Variants in EFHD1 observed in about 807,000 individuals in gnomAD.
The protein encoded by EFHD1 is EF-hand domain-containing protein D1.
A neutral mutation model predicts 17.2 loss-of-function variants in EFHD1; 10 were observed. The ratio of observed to expected loss-of-function variants is 0.58; its 90% CI spans 0.36 to 0.99. EFHD1 has a LOEUF of 0.99. Ranked by LOEUF, EFHD1 falls within the 50% of genes least tolerant of loss-of-function variation. EFHD1 has a pLI of 0.01. For synonymous variants in EFHD1, 153 were observed against 142.0 expected (o/e 1.08, Z -0.55); for missense variants, 310 against 327.5 (o/e 0.95, Z 0.41).
At chr2:232,615,800 G>A (rs1356977603) in intron 1 of EFHD1, among the ~76,000 whole-genome samples, 1 of 146,294 alleles carries the variant, frequency 6.8e-6, no homozygotes, top group South Asian at 2.1e-4. Context: ...TGATTCTCCT[G>A]CCTCAGTCTC....
At chr2:232,621,841 C>G (rs961602843) in intron 1 of EFHD1, among the ~76,000 whole-genome samples, 1 of 152,184 alleles carries the variant, frequency 6.6e-6, no homozygotes, top group Non-Finnish European at 1.5e-5. Context: ...CTCTGAGTGA[C>G]ACAGCCAGGA....
intron 3 of EFHD1, among the ~76,000 whole-genome samples, chr2:232,679,197 C>T (rs1695230763): frequency 6.6e-6 from 1 of 152,028 alleles, no homozygotes; most frequent in Admixed American, 6.6e-5. Context: ...TTTAGAAGAC[C>T]TCCTTAAACA....
At chr2:232,610,161 G>A (rs976036122) in intron 1 of EFHD1, among the ~76,000 whole-genome samples, 2 of 152,252 alleles carry the variant, frequency 1.3e-5, no homozygotes, top group African/African-American at 4.8e-5. Context: ...AGGGTTGCCT[G>A]TGTCTGTCCC....
At chr2:232,653,239 C>G (rs538425138) in intron 1 of EFHD1, among the ~76,000 whole-genome samples, 2 of 152,078 alleles carry the variant, frequency 1.3e-5, no homozygotes, top group Admixed American at 6.6e-5. Context: ...GTGATCCACC[C>G]GCCTAGGCCT....
chr2:232,671,916 G>A (rs558487342), intron 2 of EFHD1, among the ~76,000 whole-genome samples: 4 of 151,528 alleles, frequency 2.6e-5, no homozygotes, highest in East Asian at 3.9e-4. Flanking sequence ...AATTAGCCGC[G>A]CATGGTGGCA....
chr2:232,611,451 C>G (rs1452466982), intron 1 of EFHD1: 1 of 152,176 alleles, frequency 6.6e-6, no homozygotes, highest in Non-Finnish European at 1.5e-5. Flanking sequence ...ATGAGACGTT[C>G]TATCATTGGA....
At chr2:232,650,175 G>A (rs2106203424) in intron 1 of EFHD1, 1 of 151,742 alleles carries the variant, frequency 6.6e-6, no homozygotes, top group East Asian at 1.9e-4. Flanking sequence ...AAGATGAAAG[G>A]AACTGAGAAA....
At chr2:232,654,206 CA>C (rs929121448) in intron 1 of EFHD1, among the ~76,000 whole-genome samples, 412 of 82,628 alleles carry the variant, frequency 5.0e-3, no homozygotes, top group African/African-American at 0.011. Flanking sequence ...GACTCCATCT[CA>C]AAAAAAAAAA....
intron 1 of EFHD1, chr2:232,610,668 A>C (rs1693800018): frequency 6.6e-6 from 1 of 152,158 alleles, no homozygotes; most frequent in Admixed American, 6.6e-5. Context: ...GCTTGTGCTC[A>C]GGAGTGCGAG....
chr2:232,666,977 C>A (rs943208777), intron 2 of EFHD1, among the ~76,000 whole-genome samples: 10 of 152,186 alleles, frequency 6.6e-5, no homozygotes, highest in Admixed American at 3.3e-4. Flanking sequence ...CTTAAAATAG[C>A]TGTGTGAATA....
intron 1 of EFHD1, among the ~76,000 whole-genome samples, chr2:232,640,945 T>C (rs1239970398): frequency 3.3e-5 from 5 of 151,912 alleles, no homozygotes; most frequent in African/African-American, 1.2e-4. Context: ...CAGTGGTGAG[T>C]GCTTGACCTT....
intron 1 of EFHD1, among the ~76,000 whole-genome samples, chr2:232,613,661 T>TACACACACACACAAATAC (rs141418547): frequency 4.7e-5 from 6 of 128,726 alleles, no homozygotes; most frequent in African/African-American, 1.9e-4. Context: ...CACACACAAA[T>TACACACACACACAAATAC]ACACACACAC....
At chr2:232,625,058 C>T (rs1313277764) in intron 1 of EFHD1, among the ~76,000 whole-genome samples, 1 of 152,154 alleles carries the variant, frequency 6.6e-6, no homozygotes, top group African/African-American at 2.4e-5. Context: ...TGTTGACTAT[C>T]TGTTTCCCCC....
At chr2:232,638,939 C>T (rs966460215) in intron 1 of EFHD1, among the ~76,000 whole-genome samples, 2 of 152,240 alleles carry the variant, frequency 1.3e-5, no homozygotes, top group African/African-American at 4.8e-5. Flanking sequence ...AGCTTTAGGT[C>T]AGCCTTCTGT....
At chr2:232,673,032 TA>T (rs1695107675) in intron 3 of EFHD1, among the ~76,000 whole-genome samples, 1 of 152,206 alleles carries the variant, frequency 6.6e-6, no homozygotes. Context: ...ATGTGTCCAA[TA>T]ATGAAAGTGG....
intron 3 of EFHD1, among the ~76,000 whole-genome samples, chr2:232,675,737 T>C (rs571532546): frequency 1.3e-5 from 2 of 152,112 alleles, no homozygotes; most frequent in East Asian, 3.9e-4. Flanking sequence ...GTGGGTCCAA[T>C]AAGGGTAGGG....
chr2:232,655,802 C>A, intron 1 of EFHD1, among the ~76,000 whole-genome samples: 1 of 133,304 alleles, frequency 7.5e-6, no homozygotes, highest in Admixed American at 7.4e-5. Flanking sequence ...TGTGTGGGGT[C>A]TTTTTTTTTT....
intron 1 of EFHD1, among the ~76,000 whole-genome samples, chr2:232,636,324 T>C (rs956379487): frequency 5.3e-5 from 8 of 152,282 alleles, no homozygotes; most frequent in African/African-American, 1.9e-4. Flanking sequence ...CCTGGAAGGT[T>C]CCTTGGGCAG....
intron 1 of EFHD1, among the ~76,000 whole-genome samples, chr2:232,644,115 C>T (rs1483942641): frequency 6.6e-6 from 1 of 152,190 alleles, no homozygotes; most frequent in Non-Finnish European, 1.5e-5. Flanking sequence ...ACCCCTCCTT[C>T]CATCTCATGT....
Sources: gnomAD v4.1 joint callset for allele counts (sites outside exome capture counted in the v4.1 genomes callset) on GRCh38, gnomAD v4.1.1 for gene constraint, MANE v1.5 for transcripts, NCBI Gene and HGNC (gene_info 2026-07-23, HGNC 2026-07-21) for gene names.